PPP2R1B: variants seen among roughly 807,000 people sequenced by gnomAD.
PPP2R1B encodes protein phosphatase 2 scaffold subunit Abeta.
A neutral mutation model predicts 72.7 loss-of-function variants in PPP2R1B; 58 were observed. That is an observed-to-expected ratio of 0.80 (90% CI 0.65 to 0.99). The LOEUF (loss-of-function observed/expected upper bound fraction) is 0.99. Ranked by LOEUF, PPP2R1B falls within the 50% of genes least tolerant of loss-of-function variation. The probability of loss-of-function intolerance (pLI) is 0.00; values close to 1 mark genes in which losing one functional copy is unlikely to be tolerated. For missense variants in PPP2R1B, 695 were observed against 733.6 expected (o/e 0.95, Z 0.61); for synonymous variants, 256 against 264.6 (o/e 0.97, Z 0.32).
chr11:111,742,441 C>T, intron 13 of PPP2R1B, 82 bp downstream of exon 13: 1 of 1,445,726 alleles, frequency 6.9e-7, no homozygotes, highest in South Asian at 1.3e-5. Flanking sequence ...AATCCCTGAA[C>T]TTAATTTTAG....
At chr11:111,717,254 T>A in the PPP2R1B span, among the ~76,000 whole-genome samples, 1 of 130,032 alleles carries the variant, frequency 7.7e-6, no homozygotes, top group Non-Finnish European at 1.5e-5. Flanking sequence ...AGGCAGAGCT[T>A]GCAGTGAGCT....
At chr11:111,723,749 C>T, downstream of PPP2R1B, 1 of 1,614,120 alleles carries the variant, frequency 6.2e-7, no homozygotes, top group Non-Finnish European at 8.5e-7. Context: ...GCAGCTTCAG[C>T]CCCTGCCCTC....
chr11:111,720,566 T>C, the PPP2R1B span: 10 of 1,614,060 alleles, frequency 6.2e-6, no homozygotes, highest in South Asian at 1.1e-5. Flanking sequence ...ACCTGAACTT[T>C]CTGGAAGACA....
intron 15 of PPP2R1B, among the ~76,000 whole-genome samples, chr11:111,731,994 A>ACACT (rs1944208386): frequency 6.6e-6 from 1 of 152,196 alleles, no homozygotes; most frequent in Non-Finnish European, 1.5e-5. Context: ...ACTCCCCAGG[A>ACACT]CACTCTTCAG....
chr11:111,692,464 A>T, the PPP2R1B span, among the ~76,000 whole-genome samples: 1 of 150,868 alleles, frequency 6.6e-6, no homozygotes, highest in African/African-American at 2.4e-5. Flanking sequence ...GGATCCACAC[A>T]TGCAAAGGCT....
chr11:111,743,342 T>C (rs772307352), intron 12 of PPP2R1B, 34 bp downstream of exon 12: 14 of 1,565,510 alleles, frequency 8.9e-6, no homozygotes, highest in Non-Finnish European at 1.2e-5. Flanking sequence ...GCTTTAATGA[T>C]TAAGCTTAGC....
intron 15 of PPP2R1B, chr11:111,727,095 G>T: frequency 6.3e-7 from 1 of 1,578,486 alleles, no homozygotes; most frequent in Non-Finnish European, 8.7e-7. Flanking sequence ...ACAGGAAGAG[G>T]GGGCCCACTT....
intron 4 of PPP2R1B, 139 bp from the exon 5 acceptor site, chr11:111,760,090 T>A (rs1223636752): frequency 1.0e-6 from 1 of 963,382 alleles, no homozygotes; most frequent in Non-Finnish European, 1.5e-6. Context: ...GTAACAAAAA[T>A]AAAACATATT....
At chr11:111,756,179 CAGTCTGGGCGACAG>C (rs1555049635) in intron 5 of PPP2R1B, among the ~76,000 whole-genome samples, 1 of 148,222 alleles carries the variant, frequency 6.7e-6, no homozygotes. Flanking sequence ...CACTGCACTC[CAGTCTGGGCGACAG>C]AGTGACACTC....
At chr11:111,691,107 T>A in the PPP2R1B span, among the ~76,000 whole-genome samples, 2 of 152,234 alleles carry the variant, frequency 1.3e-5, no homozygotes, top group African/African-American at 4.8e-5. Flanking sequence ...TTTGCCTGGC[T>A]ATAGTATGTC....
intron 1 of PPP2R1B, 90 bp from the exon 2 acceptor site, chr11:111,765,474 A>C (rs1341573418): frequency 1.4e-5 from 14 of 1,009,586 alleles, no homozygotes; most frequent in Non-Finnish European, 2.1e-5. Context: ...TGAAATTATG[A>C]CACAGGGGTA....
chr11:111,745,615 C>T (rs1944679926), intron 11 of PPP2R1B, among the ~76,000 whole-genome samples: 1 of 152,176 alleles, frequency 6.6e-6, no homozygotes, highest in Non-Finnish European at 1.5e-5. Flanking sequence ...CCCATCTCCT[C>T]TCAAGGCCTG....
chr11:111,717,926 A>G, the PPP2R1B span, among the ~76,000 whole-genome samples: 1 of 152,130 alleles, frequency 6.6e-6, no homozygotes, highest in Non-Finnish European at 1.5e-5. Flanking sequence ...TAGGGGGGCA[A>G]TGGGAGGGAG....
At chr11:111,720,276 C>A in the PPP2R1B span, among the ~76,000 whole-genome samples, 1 of 152,122 alleles carries the variant, frequency 6.6e-6, no homozygotes, top group African/African-American at 2.4e-5. Flanking sequence ...TGGCTGAGAT[C>A]TTACAGATGC....
the PPP2R1B span, among the ~76,000 whole-genome samples, chr11:111,715,264 T>TC: frequency 7.9e-5 from 12 of 152,210 alleles, no homozygotes; most frequent in Non-Finnish European, 1.3e-4. Context: ...CGCTTGTCCC[T>TC]CTTCCCTCCC....
chr11:111,763,124 T>G (rs1555051885), intron 3 of PPP2R1B, among the ~76,000 whole-genome samples: 1 of 152,186 alleles, frequency 6.6e-6, no homozygotes, highest in Non-Finnish European at 1.5e-5. Context: ...AAAACCTCCC[T>G]GAGGAGATGC....
chr11:111,742,890 T>C (rs1017431192), intron 12 of PPP2R1B, among the ~76,000 whole-genome samples: 5 of 151,934 alleles, frequency 3.3e-5, no homozygotes, highest in Admixed American at 3.3e-4. Context: ...CTTTGTTTTT[T>C]TTTTTTTCAG....
chr11:111,720,079 A>T, the PPP2R1B span: 1 of 1,424,770 alleles, frequency 7.0e-7, no homozygotes, highest in Non-Finnish European at 9.7e-7. Context: ...AGTGGTCACG[A>T]TGCCAGCCAA....
chr11:111,756,096 G>A (rs1230391444), intron 5 of PPP2R1B, among the ~76,000 whole-genome samples: 1 of 151,936 alleles, frequency 6.6e-6, no homozygotes, highest in East Asian at 2.0e-4. Flanking sequence ...TGTAGTCCCA[G>A]CTACTCGGGA....
Sources: gnomAD v4.1 joint callset for allele counts (sites outside exome capture counted in the v4.1 genomes callset) on GRCh38, gnomAD v4.1.1 for gene constraint, MANE v1.5 for transcripts, NCBI Gene and HGNC (gene_info 2026-07-23, HGNC 2026-07-21) for gene names.